The following TLK2 variants were observed in gnomAD, a reference collection of about 807,000 sequenced individuals.
TLK2 encodes serine/threonine-protein kinase tousled-like 2.
A neutral mutation model predicts 117.3 loss-of-function variants in TLK2; 6 were observed. The ratio of observed to expected loss-of-function variants is 0.05; its 90% CI spans 0.03 to 0.10. The LOEUF is 0.10. TLK2 is among the 10% of genes least tolerant of loss of function. TLK2 has a pLI of 1.00. For missense variants in TLK2, 299 were observed against 901.2 expected, an observed-to-expected ratio of 0.33 and a Z score of 8.56; for synonymous variants, 257 against 316.7, an observed-to-expected ratio of 0.81 and a Z score of 2.00.
intron 6 of TLK2, among the ~76,000 whole-genome samples, chr17:62,529,986 C>T (rs1203731335): frequency 6.6e-6 from 1 of 151,874 alleles, no homozygotes; most frequent in East Asian, 1.9e-4. Context: ...GAGGATTACT[C>T]GAGCTCAGGA....
chr17:62,594,830 A>ACACACACC (rs533208593), intron 16 of TLK2, among the ~76,000 whole-genome samples: 1 of 137,794 alleles, frequency 7.3e-6, no homozygotes, highest in Admixed American at 7.3e-5. Flanking sequence ...ACACACACAC[A>ACACACACC]CCCCATGTGG....
At chr17:62,488,194 A>G (rs947594607) in intron 2 of TLK2, among the ~76,000 whole-genome samples, 1 of 152,202 alleles carries the variant, frequency 6.6e-6, no homozygotes, top group Admixed American at 6.5e-5. Context: ...TTGGCCTCCC[A>G]AAGTGCTGGG....
At chr17:62,606,297 A>G in intron 20 of TLK2, 56 bp downstream of exon 20, 1 of 1,066,782 alleles carries the variant, frequency 9.4e-7, no homozygotes, top group Non-Finnish European at 1.4e-6. Flanking sequence ...GCACACACAC[A>G]CACAGTGCCT....
intron 2 of TLK2, among the ~76,000 whole-genome samples, chr17:62,505,336 T>C (rs2074579729): frequency 6.6e-6 from 1 of 150,982 alleles, no homozygotes; most frequent in Non-Finnish European, 1.5e-5. Flanking sequence ...CTCAAACTCC[T>C]GGACTTAAGT....
chr17:62,485,803 TA>T (rs1236905964), intron 2 of TLK2, among the ~76,000 whole-genome samples: 23 of 151,046 alleles, frequency 1.5e-4, no homozygotes, highest in Non-Finnish European at 3.1e-4. Flanking sequence ...GTTGTGAACC[TA>T]GTAATTTTCT....
Position 62,597,536 on chromosome 17 carries a change from C to T in TLK2, c.1550+862C>T, listed in dbSNP as rs571014237. On this transcript the variant is annotated intron_variant, in intron 17 of 21. Transcript: ENST00000346027. ...AGAGAGTTTCTGCTCACCCCAGAGA[C>T]TCTTATGAACATTGACAGACCTTTT... 1.8e-4 allele frequency among the ~76,000 whole-genome samples: 27 copies of T among 152,300 alleles called. 1 individual carries two copies. Among genetic ancestry groups the T allele is most frequent in the Non-Finnish European group, 3.2e-4 (22 of 68,022 alleles).
At chr17:62,584,357 C>T (rs1194329494) in intron 15 of TLK2, among the ~76,000 whole-genome samples, 3 of 150,958 alleles carry the variant, frequency 2.0e-5, no homozygotes, top group African/African-American at 4.9e-5. Context: ...CCTCATGATC[C>T]ACCTCCCTCG....
intron 9 of TLK2, among the ~76,000 whole-genome samples, chr17:62,556,190 C>T (rs1221282619): frequency 6.6e-6 from 1 of 152,142 alleles, no homozygotes; most frequent in Non-Finnish European, 1.5e-5. Context: ...GCTGGGATTA[C>T]AGGCGTGAGT....
chr17:62,554,773 G>A (rs1303315553), intron 9 of TLK2, among the ~76,000 whole-genome samples: 1 of 151,898 alleles, frequency 6.6e-6, no homozygotes, highest in Non-Finnish European at 1.5e-5. Context: ...CAGCTACTGG[G>A]AGCGTGAGGT....
chr17:62,536,382 A>G (rs761810950), intron 7 of TLK2, 45 bp downstream of exon 7: 8 of 1,559,266 alleles, frequency 5.1e-6, no homozygotes, highest in Non-Finnish European at 7.0e-6. Context: ...CCATTGCCCT[A>G]GTGCTCCTTG....
intron 11 of TLK2, 64 bp from the exon 12 acceptor site, chr17:62,573,151 T>C (rs1320607536): frequency 3.6e-5 from 54 of 1,507,594 alleles, no homozygotes; most frequent in Non-Finnish European, 4.4e-5. Context: ...AAATTGTGTG[T>C]GTTCCATAGC....
In TLK2 at chr17:62,504,013, C is replaced by T. The variant is rs1377773766; in HGVS notation, c.82-16760C>T. Among the ~76,000 whole-genome samples the T allele has an allele frequency of 2.6e-5, 4 of 152,234 alleles. No individual in the cohort carries two copies. The East Asian group carries it at 7.7e-4, about 29-fold the overall frequency. ...CCTCCCAAAGTGCTGGGATTACAGG[C>T]GTGAGCCACCACGCTCGGCCAGTTA... On this transcript the variant is annotated intron_variant, in intron 2 of 21. Transcript: ENST00000346027.
chr17:62,583,813 G>A (rs974431667), intron 15 of TLK2, among the ~76,000 whole-genome samples: 35 of 151,444 alleles, frequency 2.3e-4, no homozygotes, highest in Admixed American at 1.3e-3. Flanking sequence ...TCCTGACCTC[G>A]TGATCTGCCT....
chr17:62,599,136 A>G (rs2082692207), intron 17 of TLK2, among the ~76,000 whole-genome samples: 1 of 152,148 alleles, frequency 6.6e-6, no homozygotes, highest in Non-Finnish European at 1.5e-5. Flanking sequence ...TAGTAGAGAC[A>G]GAGTTTCACT....
At chr17:62,599,791 C>G (rs548935443) in intron 17 of TLK2, among the ~76,000 whole-genome samples, 2 of 152,072 alleles carry the variant, frequency 1.3e-5, no homozygotes, top group African/African-American at 4.8e-5. Flanking sequence ...CTGACTGATA[C>G]ACCCACATTG....
At chr17:62,496,523 A>G (rs1222646893) in intron 2 of TLK2, among the ~76,000 whole-genome samples, 2 of 152,214 alleles carry the variant, frequency 1.3e-5, no homozygotes, top group African/African-American at 4.8e-5. Context: ...TTTGTCTCCC[A>G]TAGTCAAGTA....
Position 62,478,869 on chromosome 17 carries a change from C to A in TLK2, c.-427C>A, listed in dbSNP as rs903791084. ...CCGATCCGGATTAAGGGGCCGGAGG[C>A]GGGTCCTGGGCACCAGCGGTTCCGA... On this transcript the variant is annotated 5_prime_UTR_variant, in exon 1 of 22. Transcript: ENST00000346027. Among the ~76,000 whole-genome samples, 1 of 150,908 alleles carries A rather than the reference C, an allele frequency of 6.6e-6. No homozygotes were observed. Among genetic ancestry groups the A allele is most frequent in the African/African-American group, 2.4e-5 (1 of 41,272 alleles).
intron 2 of TLK2, among the ~76,000 whole-genome samples, chr17:62,503,981 G>A (rs1449755130): frequency 7.9e-5 from 12 of 151,942 alleles, no homozygotes; most frequent in African/African-American, 2.4e-4. Context: ...TGATCCACCC[G>A]CCTTGACCTC....
chr17:62,482,585 G>A lies in TLK2; in HGVS notation c.81+1379G>A, dbSNP rs561933026. ...TTGCCTCAGCATCCTGAGTAGCTGG[G>A]ATTACAGGCATGCACCACCATGCCT... On this transcript the variant is annotated intron_variant, in intron 2 of 21. Coordinates refer to ENST00000346027, the MANE Select transcript of TLK2 (RefSeq NM_006852.6). 1.6e-4 allele frequency among the ~76,000 whole-genome samples: 25 copies of A among 152,060 alleles called. No individual in the cohort carries two copies. In the South Asian group the frequency reaches 5.2e-3, roughly 32 times the overall value.
Sources: gnomAD v4.1 joint callset for allele counts (sites outside exome capture counted in the v4.1 genomes callset) on GRCh38, gnomAD v4.1.1 for gene constraint, MANE v1.5 for transcripts, NCBI Gene and HGNC (gene_info 2026-07-23, HGNC 2026-07-21) for gene names.